The following GNA13 variants were observed in gnomAD, a reference collection of about 807,000 sequenced individuals.
GNA13 encodes the protein G protein subunit alpha 13, also known as guanine nucleotide-binding protein subunit alpha-13.
A neutral mutation model predicts 33.5 loss-of-function variants in GNA13; 4 were observed. The observed-to-expected ratio is 0.12, with a 90% CI of 0.06 to 0.27. The LOEUF (loss-of-function observed/expected upper bound fraction) is 0.27. Among genes scored for constraint, GNA13 ranks in the 10% least tolerant of loss-of-function variants. The pLI is 1.00. For synonymous variants in GNA13, 176 were observed against 183.8 expected (o/e 0.96, Z 0.34); for missense variants, 319 against 487.2 (o/e 0.65, Z 3.25).
rs762429749 is a variant in GNA13 at position 65,018,250 on chromosome 17, T to C, written c.561+3A>G. 4 of 1,486,342 alleles carry C rather than the reference T, an allele frequency of 2.7e-6. No homozygotes were observed. In the Admixed American group the frequency reaches 5.0e-5, roughly 19 times the overall value. The allele number at this position is 1,486,342 out of a possible 1,614,324, so 92.1% of individuals were successfully genotyped here. The stretch of plus-strand genomic sequence containing the variant: ...AACATAAACATTTGGTTTAAACACT[T>C]ACTGGTTCTCCAAGTTTATCCAAGT... On this transcript the variant is annotated splice_donor_region_variant and intron_variant, in intron 3 of 3. Coordinates refer to ENST00000439174, the MANE Select transcript of GNA13 (RefSeq NM_006572.6).
At chr17:65,044,338 T>C (rs1598496983) in intron 2 of GNA13, among the ~76,000 whole-genome samples, 1 of 152,206 alleles carries the variant, frequency 6.6e-6, no homozygotes, top group Non-Finnish European at 1.5e-5. Flanking sequence ...AACAAGTTCT[T>C]TTGAATAAAA....
rs1363633582 is a variant in GNA13, at chr17:65,010,607, G to A, written c.*3650C>T. 4.9e-6 allele frequency: 1 copy of A among 206,004 alleles called. No homozygotes were observed. The highest frequency in any genetic ancestry group is 9.9e-6 in the Non-Finnish European group (1 of 100,714). 12.8% of individuals were successfully genotyped at this position (206,004 alleles called of 1,614,324 possible). A position where few individuals can be genotyped will look rare whatever the true frequency, so the allele number is the denominator to read the frequency against. Reference sequence around the variant, plus strand: ...GAACGCCTTAAAATGATGGGAGAGAGACAAATTAACTAGGTACTAAGTCAG... The same window carrying A: ...GAACGCCTTAAAATGATGGGAGAGAAACAAATTAACTAGGTACTAAGTCAG... On this transcript the variant is annotated 3_prime_UTR_variant, in exon 4 of 4. Transcript: ENST00000439174.
chr17:65,032,180 GA>G (rs1296051587), intron 2 of GNA13, among the ~76,000 whole-genome samples: 1 of 151,960 alleles, frequency 6.6e-6, no homozygotes, highest in African/African-American at 2.4e-5. Context: ...ATACAAAATG[GA>G]AAACTCTGGG....
At chr17:65,018,700 A>G (rs1335729042) in intron 2 of GNA13, among the ~76,000 whole-genome samples, 1 of 152,220 alleles carries the variant, frequency 6.6e-6, no homozygotes, top group East Asian at 1.9e-4. Context: ...CTAGCTTAAT[A>G]GTGACGATAG....
chr17:65,021,853 G>A (rs1304426233), intron 2 of GNA13, among the ~76,000 whole-genome samples: 1 of 152,188 alleles, frequency 6.6e-6, no homozygotes, highest in Non-Finnish European at 1.5e-5. Flanking sequence ...AAAAAGCAAG[G>A]TAAACATATT....
intron 2 of GNA13, 77 bp from the exon 3 acceptor site, chr17:65,018,380 G>A (rs1906460311): frequency 1.2e-6 from 1 of 807,828 alleles, no homozygotes; most frequent in Non-Finnish European, 2.2e-6. Context: ...ACATCATACT[G>A]TCTGGTTGTA....
At position 65,012,379 on chromosome 17, in the gene GNA13, G is replaced by A. The variant is rs1184953536; in HGVS notation, c.*1878C>T. 1 of 222,040 alleles carries A rather than the reference G, an allele frequency of 4.5e-6. No homozygotes were observed. The highest frequency in any genetic ancestry group is 6.6e-5 in the East Asian group (1 of 15,172). The allele number at this position is 222,040 out of a possible 1,614,324, so 13.8% of individuals were successfully genotyped here. On this transcript the variant is annotated 3_prime_UTR_variant, in exon 4 of 4. Coordinates refer to ENST00000439174, the MANE Select transcript of GNA13 (RefSeq NM_006572.6). ...CGATATTCATTAGCACTGCAATTAT[G>A]CTAATTTTGTGAATTTAAACAATGT...
At chr17:65,055,763 A>G (rs1908027551) in intron 1 of GNA13, 1 of 985,336 alleles carries the variant, frequency 1.0e-6, no homozygotes, top group Non-Finnish European at 1.2e-6. Flanking sequence ...TCGGGCAAAA[A>G]GTTCCCTTAT....
intron 2 of GNA13, among the ~76,000 whole-genome samples, chr17:65,041,814 A>G (rs1907464606): frequency 6.6e-6 from 1 of 152,210 alleles, no homozygotes; most frequent in Non-Finnish European, 1.5e-5. Flanking sequence ...ACTCTGGTAC[A>G]TCTGAGGCAT....
chr17:65,046,848 G>A (rs983323737), intron 2 of GNA13, among the ~76,000 whole-genome samples: 3 of 152,092 alleles, frequency 2.0e-5, no homozygotes, highest in African/African-American at 7.2e-5. Flanking sequence ...CCCTAGCTTT[G>A]TTTAGCAATA....
intron 2 of GNA13, among the ~76,000 whole-genome samples, chr17:65,038,709 G>A (rs937168620): frequency 1.3e-5 from 2 of 152,172 alleles, no homozygotes; most frequent in Non-Finnish European, 2.9e-5. Context: ...TTACAGGCGT[G>A]AGCCACCGTG....
intron 2 of GNA13, among the ~76,000 whole-genome samples, chr17:65,033,592 A>G (rs1907134134): frequency 6.6e-6 from 1 of 152,198 alleles, no homozygotes. Flanking sequence ...TGTTCAGTTC[A>G]TGAGGAACAA....
In GNA13 at chr17:65,013,728, A is replaced by G. The variant is rs1906269634; in HGVS notation, c.*529T>C. The G allele has an allele frequency of 4.8e-6, 1 of 208,556 alleles. No individual in the cohort carries two copies. 12.9% of individuals were successfully genotyped at this position (208,556 alleles called of 1,614,324 possible). The stretch of plus-strand genomic sequence containing the variant: ...GTGTATACAAGCAATTAAAATATGA[A>G]GGCTAAACCTTCTATAAACCTACAG... On this transcript the variant is annotated 3_prime_UTR_variant, in exon 4 of 4. Transcript: ENST00000439174.
At chr17:65,056,258 G>GCCCCCC in intron 1 of GNA13, 53 bp downstream of exon 1, 7 of 574,312 alleles carry the variant, frequency 1.2e-5, no homozygotes, top group Non-Finnish European at 2.1e-5. Flanking sequence ...CGCACCCGCC[G>GCCCCCC]CCGCCCCAGC....
chr17:65,009,530 G>C lies in GNA13; in HGVS notation c.*4727C>G, dbSNP rs1210379404. Among the ~76,000 whole-genome samples the C allele has an allele frequency of 6.6e-6, 1 of 151,954 alleles. No individual in the cohort carries two copies. The highest frequency in any genetic ancestry group is 1.5e-5 in the Non-Finnish European group (1 of 67,984). ...CAACAATTATCAGATAATGTGCTTA[G>C]TTCCTGGAAAGTTATAAAAAGATAT... On this transcript the variant is annotated 3_prime_UTR_variant, in exon 4 of 4. Transcript: ENST00000439174.
intron 2 of GNA13, among the ~76,000 whole-genome samples, chr17:65,025,590 G>C (rs1906748596): frequency 6.6e-6 from 1 of 152,168 alleles, no homozygotes; most frequent in Non-Finnish European, 1.5e-5. Context: ...TAAGGAACTT[G>C]AAACCTCAAT....
intron 1 of GNA13, 147 bp downstream of exon 1, chr17:65,056,164 C>G (rs1041861666): frequency 1.8e-6 from 1 of 541,334 alleles, no homozygotes; most frequent in African/African-American, 2.0e-5. Context: ...GGCCAGTTGC[C>G]GGGGCGCGCC....
intron 2 of GNA13, among the ~76,000 whole-genome samples, chr17:65,024,866 T>C (rs755737701): frequency 6.6e-6 from 1 of 152,200 alleles, no homozygotes; most frequent in Non-Finnish European, 1.5e-5. Context: ...TTTAGTTTTA[T>C]CTTACTGTAC....
At chr17:65,033,821 T>C (rs1301475104) in intron 2 of GNA13, among the ~76,000 whole-genome samples, 1 of 151,978 alleles carries the variant, frequency 6.6e-6, no homozygotes, top group African/African-American at 2.4e-5. Flanking sequence ...GAGACCAGCC[T>C]GGCCAATATG....
Sources: gnomAD v4.1 joint callset for allele counts (sites outside exome capture counted in the v4.1 genomes callset) on GRCh38, gnomAD v4.1.1 for gene constraint, MANE v1.5 for transcripts, NCBI Gene and HGNC (gene_info 2026-07-23, HGNC 2026-07-21) for gene names.